The following CPVL variants were observed in gnomAD, a reference collection of about 807,000 sequenced individuals.
The protein encoded by CPVL is carboxypeptidase vitellogenic like.
In CPVL, 51 loss-of-function variants were observed where a neutral mutation model predicts 63.7. The observed-to-expected ratio is 0.80, with a 90% CI of 0.64 to 1.01. The LOEUF (loss-of-function observed/expected upper bound fraction) is 1.01, where lower values mean the gene tolerates loss of function less well. Among genes scored for constraint, CPVL ranks in the 50% least tolerant of loss-of-function variants. CPVL has a pLI of 0.00. For synonymous variants in CPVL, 195 were observed against 206.0 expected, an observed-to-expected ratio of 0.95 and a Z score of 0.46; for missense variants, 530 against 573.1, an observed-to-expected ratio of 0.92 and a Z score of 0.77.
chr7:29,176,152 C>G (rs555581334), intron 5 of CPVL, among the ~76,000 whole-genome samples: 85 of 151,630 alleles, frequency 5.6e-4, no homozygotes, highest in Non-Finnish European at 1.0e-3. Flanking sequence ...CGCCACTGCA[C>G]TCCAGCCTAG....
intron 11 of CPVL, among the ~76,000 whole-genome samples, chr7:29,032,955 T>C (rs563166957): frequency 1.6e-4 from 24 of 152,326 alleles, no homozygotes; most frequent in South Asian, 4.1e-4. Flanking sequence ...TCAAGACTTA[T>C]CTTGTTAGTC....
intron 11 of CPVL, among the ~76,000 whole-genome samples, chr7:29,053,917 GAA>G (rs1790451189): frequency 6.7e-6 from 1 of 148,898 alleles, no homozygotes; most frequent in Non-Finnish European, 1.5e-5. Context: ...AAAGAAAAAA[GAA>G]AAAGAAAAGC....
At chr7:29,172,489 C>T (rs1477634700) in intron 5 of CPVL, among the ~76,000 whole-genome samples, 2 of 152,126 alleles carry the variant, frequency 1.3e-5, no homozygotes, top group Non-Finnish European at 2.9e-5. Context: ...TAAAAATAAC[C>T]AAGCCTTCAG....
chr7:29,116,115 GA>G (rs1788752747), intron 2 of CPVL, among the ~76,000 whole-genome samples: 1 of 152,086 alleles, frequency 6.6e-6, no homozygotes, highest in African/African-American at 2.4e-5. Context: ...GTTAACAAAT[GA>G]ATGGATGAAC....
chr7:29,036,058 G>T (rs920728193), intron 11 of CPVL, among the ~76,000 whole-genome samples: 2 of 152,154 alleles, frequency 1.3e-5, no homozygotes, highest in African/African-American at 4.8e-5. Context: ...GTTTTTCCAT[G>T]AATTCTAAGA....
intron 5 of CPVL, among the ~76,000 whole-genome samples, chr7:29,152,729 G>T (rs944488613): frequency 6.6e-6 from 1 of 152,202 alleles, no homozygotes; most frequent in African/African-American, 2.4e-5. Flanking sequence ...GAGACGGTTG[G>T]AAGAGTTAAC....
chr7:29,119,459 C>A (rs1380786264), intron 2 of CPVL, among the ~76,000 whole-genome samples: 1 of 143,930 alleles, frequency 6.9e-6, no homozygotes, highest in Non-Finnish European at 1.5e-5. Flanking sequence ...TGCACTCCAG[C>A]CTGGCAACAG....
chr7:29,161,088 A>G (rs1795110754), intron 5 of CPVL, among the ~76,000 whole-genome samples: 1 of 152,192 alleles, frequency 6.6e-6, no homozygotes, highest in East Asian at 1.9e-4. Context: ...ACTTCTTACC[A>G]GATATTATCT....
At chr7:29,062,780 A>G (rs978221446) in intron 11 of CPVL, among the ~76,000 whole-genome samples, 1 of 152,246 alleles carries the variant, frequency 6.6e-6, no homozygotes, top group African/African-American at 2.4e-5. Flanking sequence ...CTAAGGCAGT[A>G]TATCAGGACA....
At chr7:29,175,391 GT>G (rs766676924) in intron 5 of CPVL, among the ~76,000 whole-genome samples, 161 of 152,070 alleles carry the variant, frequency 1.1e-3, no homozygotes, top group Non-Finnish European at 1.9e-3. Flanking sequence ...GGCAAGGCTG[GT>G]CTCAAACTCC....
intron 1 of CPVL, among the ~76,000 whole-genome samples, chr7:29,123,392 C>T (rs1440309571): frequency 6.6e-6 from 1 of 151,624 alleles, no homozygotes; most frequent in Non-Finnish European, 1.5e-5. Flanking sequence ...CTAAAAAATG[C>T]TTTTGCCTAT....
chr7:29,097,085 C>A (rs1410546622), intron 3 of CPVL, among the ~76,000 whole-genome samples: 1 of 151,920 alleles, frequency 6.6e-6, no homozygotes, highest in South Asian at 2.1e-4. Context: ...GCCCCAGGGG[C>A]CTTTAGCCAA....
chr7:29,101,557 T>A (rs1464402854), intron 3 of CPVL, among the ~76,000 whole-genome samples: 2 of 152,188 alleles, frequency 1.3e-5, no homozygotes, highest in African/African-American at 4.8e-5. Context: ...ATAGCGCCAC[T>A]GCACTCCAGC....
intron 4 of CPVL, among the ~76,000 whole-genome samples, chr7:29,183,081 CTTTTTTTTTT>C (rs34942216): frequency 1.5e-5 from 2 of 131,892 alleles, no homozygotes; most frequent in Non-Finnish European, 1.6e-5. Context: ...ACATGGCAGA[CTTTTTTTTTT>C]TTTTTTTTTT....
chr7:29,110,519 C>T (rs1292097112), intron 3 of CPVL, among the ~76,000 whole-genome samples: 1 of 152,214 alleles, frequency 6.6e-6, no homozygotes, highest in African/African-American at 2.4e-5. Context: ...CTGCAACCTG[C>T]TGGCTTCTGC....
At chr7:29,009,844 T>TG (rs1785628478) in intron 12 of CPVL, 1 of 152,326 alleles carries the variant, frequency 6.6e-6, no homozygotes, top group East Asian at 1.9e-4. Flanking sequence ...AGTACAAAAG[T>TG]GTTCATTTAT....
At chr7:29,192,498 A>T (rs1419456967) in intron 1 of CPVL, 4 of 152,240 alleles carry the variant, frequency 2.6e-5, no homozygotes. Flanking sequence ...TAAGCCATAG[A>T]TTGAAGATAA....
At chr7:29,049,947 G>A (rs769895563) in intron 11 of CPVL, among the ~76,000 whole-genome samples, 1 of 152,072 alleles carries the variant, frequency 6.6e-6, no homozygotes. Flanking sequence ...TGCAGAAAAA[G>A]CATTCAACAA....
At chr7:29,142,305 T>C (rs1412148859) in intron 1 of CPVL, among the ~76,000 whole-genome samples, 1 of 152,180 alleles carries the variant, frequency 6.6e-6, no homozygotes, top group Non-Finnish European at 1.5e-5. Context: ...GATCTTATCC[T>C]TTTTTCTCTT....
Sources: allele counts gnomAD v4.1 joint callset (sites outside exome capture counted in the v4.1 genomes callset), GRCh38; gene constraint gnomAD v4.1.1; transcripts MANE v1.5; gene names NCBI Gene and HGNC (gene_info 2026-07-23, HGNC 2026-07-21).